Variants in CHODL observed in about 807,000 individuals in gnomAD.
The protein encoded by CHODL is chondrolectin.
CHODL carries 29 observed loss-of-function variants against 34.5 expected under a neutral mutation model. The ratio of observed to expected loss-of-function variants is 0.84; its 90% CI spans 0.63 to 1.15. The LOEUF is 1.15. CHODL is among the 50% of genes most tolerant of loss of function. The pLI is 0.00. For missense variants in CHODL, 332 were observed against 332.5 expected (o/e 1.00, Z 0.01); for synonymous variants, 125 against 116.1 (o/e 1.08, Z -0.49).
At chr21:18,028,071 C>G (rs1236907366) in intron 2 of CHODL, 1 of 152,190 alleles carries the variant, frequency 6.6e-6, no homozygotes, top group East Asian at 1.9e-4. Context: ...AGTATCAATA[C>G]AAATACAACA....
chr21:18,220,866 G>T lies in CHODL; in HGVS notation c.-44-35643G>T, dbSNP rs141747055. ...TGACAGTTTGACTATAATGTGCCTT[G>T]GAGAGGATCTTTTTGGGTTCAATTC... On this transcript the variant is annotated intron_variant, in intron 2 of 6. Transcript: ENST00000400127. Among the ~76,000 whole-genome samples the T allele has an allele frequency of 1.2e-3, 184 of 152,128 alleles. 3 individuals carry two copies. The highest frequency in any genetic ancestry group is 3.9e-3 in the Admixed American group (60 of 15,282).
chr21:18,116,411 G>T (rs570505774), intron 2 of CHODL, among the ~76,000 whole-genome samples: 13 of 152,140 alleles, frequency 8.5e-5, no homozygotes, highest in Middle Eastern at 3.4e-3. Flanking sequence ...CCAGTCACCA[G>T]GTCTTACTGT....
At chr21:17,983,447 T>C (rs1261403970) in intron 1 of CHODL, among the ~76,000 whole-genome samples, 2 of 152,180 alleles carry the variant, frequency 1.3e-5, no homozygotes, top group African/African-American at 2.4e-5. Flanking sequence ...TAAGTAAAAA[T>C]TGTATACTTT....
chr21:18,131,765 C>T (rs2072657598), intron 2 of CHODL, among the ~76,000 whole-genome samples: 1 of 152,138 alleles, frequency 6.6e-6, no homozygotes. Flanking sequence ...TGTTTTCAGT[C>T]TGATCCATGT....
intron 2 of CHODL, among the ~76,000 whole-genome samples, chr21:18,107,990 T>C (rs1426478885): frequency 2.6e-5 from 4 of 152,168 alleles, no homozygotes; most frequent in Non-Finnish European, 2.9e-5. Flanking sequence ...CAGTGTAGAA[T>C]AGTTAATTAT....
Position 18,256,511 on chromosome 21 carries a change from CA to C in CHODL, c.86del (p.Lys29ArgfsTer24). On this transcript the variant is annotated frameshift_variant, in exon 2 of 6. Transcript: ENST00000299295. LOFTEE classifies it high-confidence loss of function. ...GAFCRRVVSG[Q>X]KVCFADFKHP... ...GGGCATCTTTTTTTTTTTTTCAGGC[CA>C]AAAGGTGTGTTTTGCTGACTTCAAG... The C allele has an allele frequency of 6.3e-7, 1 of 1,590,604 alleles. No individual in the cohort carries two copies. The highest frequency in any genetic ancestry group is 8.6e-7 in the Non-Finnish European group (1 of 1,169,418).
rs2065162899 is a variant in CHODL, at chr21:18,098,151, C to CA, written c.-45+70186dup. Among the ~76,000 whole-genome samples the CA allele has an allele frequency of 2.0e-5, 3 of 151,834 alleles. No homozygotes were observed. The South Asian group carries it at 6.2e-4, about 31-fold the overall frequency. ...GACACTCTTAGGACTTTGGTCTGGGCAAAAAATTATTGAGTAATACCCCAC... is the reference window on the plus strand; with the variant it reads ...GACACTCTTAGGACTTTGGTCTGGGCAAAAAAATTATTGAGTAATACCCCAC... On this transcript the variant is annotated intron_variant, in intron 2 of 6. Transcript: ENST00000400127.
chr21:18,007,740 T>C (rs1477079518), intron 1 of CHODL, among the ~76,000 whole-genome samples: 1 of 152,204 alleles, frequency 6.6e-6, no homozygotes, highest in African/African-American at 2.4e-5. Context: ...AGAAACTTCC[T>C]GGAAGGTTTT....
chr21:18,151,533 A>C (rs1056980094), intron 2 of CHODL, among the ~76,000 whole-genome samples: 17 of 152,348 alleles, frequency 1.1e-4, no homozygotes, highest in African/African-American at 4.1e-4. Context: ...TCCCTGAGTT[A>C]TGTGAGACAC....
intron 2 of CHODL, among the ~76,000 whole-genome samples, chr21:18,165,688 G>A (rs1018554227): frequency 3.3e-5 from 5 of 152,132 alleles, no homozygotes; most frequent in African/African-American, 1.2e-4. Flanking sequence ...TTCAAACGGT[G>A]TCACTTCTGT....
At chr21:18,253,344 T>C (rs2074280168) in intron 1 of CHODL, among the ~76,000 whole-genome samples, 1 of 152,070 alleles carries the variant, frequency 6.6e-6, no homozygotes, top group African/African-American at 2.4e-5. Flanking sequence ...TTTTTTGACA[T>C]CTTGCAAAAC....
At chr21:17,952,598 G>A (rs1266903321) in intron 1 of CHODL, among the ~76,000 whole-genome samples, 2 of 152,080 alleles carry the variant, frequency 1.3e-5, no homozygotes, top group Admixed American at 6.6e-5. Flanking sequence ...TTCAGGTTGA[G>A]GAGAAATGAT....
chr21:18,208,632 G>A (rs1308699622), intron 2 of CHODL, among the ~76,000 whole-genome samples: 10 of 152,026 alleles, frequency 6.6e-5, no homozygotes, highest in Admixed American at 6.5e-4. Context: ...CATTCATCTT[G>A]TGAAGGCTTT....
chr21:18,069,019 TTCAG>T lies in CHODL; in HGVS notation c.-45+41050_-45+41053del, dbSNP rs199952646. The stretch of plus-strand genomic sequence containing the variant: ...AAGAGAGCCAGATGAGGCCAACACA[TTCAG>T]TAAGTTGTGTTATTGAAGAGGAACC... On this transcript the variant is annotated intron_variant, in intron 2 of 6. Transcript: ENST00000400127. Among the ~76,000 whole-genome samples, 154 of 152,244 alleles carry T rather than the reference TTCAG, an allele frequency of 1.0e-3. 4 individuals are homozygous for T. The East Asian group carries it at 0.027, about 27-fold the overall frequency.
chr21:18,081,251 C>A (rs935281535), intron 2 of CHODL, among the ~76,000 whole-genome samples: 1 of 152,098 alleles, frequency 6.6e-6, no homozygotes. Context: ...CCAGATGTTA[C>A]TAGATATAAG....
At chr21:18,092,840 G>A (rs1032541114) in intron 2 of CHODL, among the ~76,000 whole-genome samples, 1 of 152,104 alleles carries the variant, frequency 6.6e-6, no homozygotes, top group Admixed American at 6.5e-5. Flanking sequence ...AGCCTCAAAA[G>A]GTCAAACCAT....
At chr21:17,996,936 TTAGCTA>T (rs2063855878) in intron 1 of CHODL, among the ~76,000 whole-genome samples, 3 of 152,202 alleles carry the variant, frequency 2.0e-5, no homozygotes, top group African/African-American at 7.2e-5. Flanking sequence ...AGAATTTTTA[TTAGCTA>T]AATACATATT....
intron 3 of CHODL, among the ~76,000 whole-genome samples, chr21:18,257,734 A>G (rs879343618): frequency 3.3e-5 from 5 of 152,160 alleles, no homozygotes; most frequent in Non-Finnish European, 5.9e-5. Context: ...ATCTCCCACT[A>G]CTTGTCATAT....
intron 1 of CHODL, among the ~76,000 whole-genome samples, chr21:17,972,581 AC>A (rs1372789358): frequency 6.6e-6 from 1 of 152,352 alleles, no homozygotes; most frequent in African/African-American, 2.4e-5. Flanking sequence ...AATCCGACTT[AC>A]AAGGGATGTG....
Sources: gnomAD v4.1 joint callset for allele counts (sites outside exome capture counted in the v4.1 genomes callset) on GRCh38, gnomAD v4.1.1 for gene constraint, MANE v1.5 for transcripts, NCBI Gene and HGNC (gene_info 2026-07-23, HGNC 2026-07-21) for gene names.